LRRTM4: variants seen among roughly 807,000 people sequenced by gnomAD.
LRRTM4 encodes the protein leucine-rich repeat transmembrane neuronal protein 4.
LRRTM4 carries 25 observed loss-of-function variants against 47.6 expected under a neutral mutation model. The ratio of observed to expected loss-of-function variants is 0.53; its 90% CI spans 0.38 to 0.73. LRRTM4 has a LOEUF of 0.73. LRRTM4 is among the 30% of genes least tolerant of loss of function. LRRTM4 has a pLI of 0.00. For missense variants in LRRTM4, 638 were observed against 713.4 expected (o/e 0.89, Z 1.20); for synonymous variants, 311 against 269.5 (o/e 1.15, Z -1.51).
intron 3 of LRRTM4, among the ~76,000 whole-genome samples, chr2:76,814,806 T>TAC (rs111468624): frequency 0.047 from 2,488 of 52,600 alleles, 28 homozygotes; most frequent in East Asian, 0.11. Context: ...CACACACACA[T>TAC]ACACACACAC....
At chr2:76,755,582 C>T (rs1028165288) in intron 3 of LRRTM4, among the ~76,000 whole-genome samples, 29 of 151,948 alleles carry the variant, frequency 1.9e-4, no homozygotes, top group Admixed American at 1.9e-3. Context: ...ATAGAAAAAA[C>T]TGGAGAAAAA....
chr2:76,886,180 G>A (rs1436709967), intron 3 of LRRTM4, among the ~76,000 whole-genome samples: 1 of 152,096 alleles, frequency 6.6e-6, no homozygotes, highest in African/African-American at 2.4e-5. Flanking sequence ...TTTAAAAGGT[G>A]TATAACATTT....
chr2:76,998,946 G>C (rs1004851066), intron 3 of LRRTM4, among the ~76,000 whole-genome samples: 1 of 151,864 alleles, frequency 6.6e-6, no homozygotes, highest in Non-Finnish European at 1.5e-5. Context: ...AACAGTATAA[G>C]AACTGTAACT....
In LRRTM4 at chr2:77,506,507, C is replaced by T. The variant is rs77587625; in HGVS notation, c.1551+11811G>A. ...AAAATGTGAAAAAAAGGTTCTACTG[C>T]ACTAACGTCAAACATGTAAAAATTA... On this transcript the variant is annotated intron_variant, in intron 3 of 3. Transcript: ENST00000409884. 8.2e-3 allele frequency among the ~76,000 whole-genome samples: 1,240 copies of T among 151,702 alleles called. 14 individuals are homozygous for T. Among genetic ancestry groups the T allele is most frequent in the African/African-American group, 0.026 (1,092 of 41,474 alleles).
chr2:76,988,189 T>G (rs1676870054), intron 3 of LRRTM4, among the ~76,000 whole-genome samples: 1 of 151,874 alleles, frequency 6.6e-6, no homozygotes, highest in African/African-American at 2.4e-5. Flanking sequence ...CTCCAAATGC[T>G]TCGTCTTCCT....
At chr2:76,995,220 A>G (rs538401508) in intron 3 of LRRTM4, among the ~76,000 whole-genome samples, 2 of 152,044 alleles carry the variant, frequency 1.3e-5, no homozygotes, top group African/African-American at 2.4e-5. Flanking sequence ...CATATTTCCT[A>G]TGAATTAAGT....
intron 3 of LRRTM4, among the ~76,000 whole-genome samples, chr2:77,219,950 A>AC (rs1211508532): frequency 2.6e-5 from 4 of 151,788 alleles, no homozygotes; most frequent in Non-Finnish European, 1.5e-5. Flanking sequence ...ACTGGGAGGC[A>AC]CCCCCCAGTA....
chr2:77,000,323 G>A (rs778368869), intron 3 of LRRTM4, among the ~76,000 whole-genome samples: 4 of 147,768 alleles, frequency 2.7e-5, no homozygotes, highest in Non-Finnish European at 3.0e-5. Context: ...AAAAAAAAAG[G>A]GTTAGTAATT....
intron 3 of LRRTM4, among the ~76,000 whole-genome samples, chr2:77,103,184 G>A (rs1237712522): frequency 6.6e-6 from 1 of 152,168 alleles, no homozygotes; most frequent in African/African-American, 2.4e-5. Flanking sequence ...CTGTGGTTCA[G>A]AGGTAGAAGG....
At chr2:76,864,410 C>T (rs1427115514) in intron 3 of LRRTM4, among the ~76,000 whole-genome samples, 3 of 152,126 alleles carry the variant, frequency 2.0e-5, no homozygotes, top group Non-Finnish European at 4.4e-5. Context: ...GTAATCCAAG[C>T]ACTTTGGGAG....
At chr2:77,444,970 C>T (rs570938264) in intron 3 of LRRTM4, among the ~76,000 whole-genome samples, 6 of 120,582 alleles carry the variant, frequency 5.0e-5, no homozygotes, top group African/African-American at 1.6e-4. Flanking sequence ...CACACACACA[C>T]GATCCGGAAA....
At chr2:77,120,948 T>C (rs1217032144) in intron 3 of LRRTM4, among the ~76,000 whole-genome samples, 3 of 151,660 alleles carry the variant, frequency 2.0e-5, no homozygotes, top group Non-Finnish European at 4.4e-5. Flanking sequence ...CCCTGAGTGT[T>C]TGGAATGATT....
chr2:76,908,739 C>T (rs1673941886), intron 3 of LRRTM4, among the ~76,000 whole-genome samples: 1 of 152,192 alleles, frequency 6.6e-6, no homozygotes, highest in East Asian at 1.9e-4. Flanking sequence ...AACTCCCATT[C>T]ACAATTGCTT....
At chr2:77,192,950 T>A (rs1040892092) in intron 3 of LRRTM4, among the ~76,000 whole-genome samples, 2 of 152,190 alleles carry the variant, frequency 1.3e-5, no homozygotes, top group Non-Finnish European at 2.9e-5. Flanking sequence ...TTTTTTTTTC[T>A]TGTCTTTGAC....
At chr2:77,330,598 G>T (rs941243753) in intron 3 of LRRTM4, among the ~76,000 whole-genome samples, 1 of 152,028 alleles carries the variant, frequency 6.6e-6, no homozygotes, top group Non-Finnish European at 1.5e-5. Context: ...CGAAAAAATT[G>T]CATGTATAAT....
At chr2:77,234,590 G>T (rs1422279319) in intron 3 of LRRTM4, among the ~76,000 whole-genome samples, 1 of 152,010 alleles carries the variant, frequency 6.6e-6, no homozygotes, top group African/African-American at 2.4e-5. Flanking sequence ...CAGATTTATA[G>T]GATCATTTGG....
chr2:77,423,777 A>G (rs1026779468), intron 3 of LRRTM4, among the ~76,000 whole-genome samples: 1 of 152,136 alleles, frequency 6.6e-6, no homozygotes, highest in African/African-American at 2.4e-5. Flanking sequence ...GGAAAATATG[A>G]GTTTCATTTT....
At chr2:77,506,395 G>A (rs1678775753) in intron 3 of LRRTM4, among the ~76,000 whole-genome samples, 1 of 151,590 alleles carries the variant, frequency 6.6e-6, no homozygotes, top group Admixed American at 6.6e-5. Flanking sequence ...TAAAAGCAAT[G>A]TAAGAAAACA....
Position 76,828,332 on chromosome 2 carries a change from C to T in LRRTM4, c.1552-79416G>A, listed in dbSNP as rs562607096. 5.9e-5 allele frequency among the ~76,000 whole-genome samples: 9 copies of T among 151,860 alleles called. No individual in the cohort carries two copies. The South Asian group carries it at 1.7e-3, about 28-fold the overall frequency. On this transcript the variant is annotated intron_variant, in intron 3 of 3. Coordinates refer to ENST00000409884, the MANE Select transcript of LRRTM4 (RefSeq NM_001134745.3). ...CTCCATAATTGCATCTTATTTGGGC[C>T]GGAATCCTATATGTGTAGTGTCTAA...
Sources: gnomAD v4.1 joint callset for allele counts (sites outside exome capture counted in the v4.1 genomes callset) on GRCh38, gnomAD v4.1.1 for gene constraint, MANE v1.5 for transcripts, NCBI Gene and HGNC (gene_info 2026-07-23, HGNC 2026-07-21) for gene names.